The following RFXANK variants were observed in gnomAD, a reference collection of about 807,000 sequenced individuals.
The protein encoded by RFXANK is DNA-binding protein RFXANK.
Under a neutral mutation model 34.5 loss-of-function variants are expected in RFXANK, and 19 were observed. The observed-to-expected ratio is 0.55, with a 90% CI of 0.38 to 0.81. The LOEUF (loss-of-function observed/expected upper bound fraction) is 0.81, where lower values mean the gene tolerates loss of function less well. RFXANK is among the 30% of genes least tolerant of loss of function. RFXANK has a pLI of 0.00. For synonymous variants in RFXANK, 154 were observed against 149.8 expected, an observed-to-expected ratio of 1.03 and a Z score of -0.20; for missense variants, 295 against 343.5, an observed-to-expected ratio of 0.86 and a Z score of 1.12.
intron 9 of RFXANK, among the ~76,000 whole-genome samples, chr19:19,201,049 T>C (rs1256841124): frequency 6.6e-6 from 1 of 152,138 alleles, no homozygotes; most frequent in African/African-American, 2.4e-5. Flanking sequence ...TCCACCCGCC[T>C]CAGCTTCCCA....
rs1269324522 is a variant in RFXANK, at chr19:19,199,231, A to G, written c.709A>G (p.Lys237Glu). Residue 237 changes from lysine to glutamate, a missense_variant, in exon 9 of 10, where the codon AAA (lysine) becomes GAA (glutamate). Lys to Glu is a moderately conservative substitution (Grantham distance 56). Coordinates refer to ENST00000303088, the MANE Select transcript of RFXANK (RefSeq NM_003721.4). ...CCTTGCCGTGGCCCTGGGATACCGG[A>G]AAGGTCAGCCTGAGACACACAGAGC... The part of the protein sequence containing the change: ...MDLAVALGYR[K>E]VQQVIENHIL... The G allele has an allele frequency of 6.2e-7, 1 of 1,614,034 alleles. No individual in the cohort carries two copies. Among genetic ancestry groups the G allele is most frequent in the African/African-American group, 1.3e-5 (1 of 75,038 alleles).
In RFXANK at chr19:19,197,561, C is replaced by G; in HGVS notation, c.378C>G (p.Thr126=). 6.2e-7 allele frequency: 1 copy of G among 1,613,908 alleles called. No individual in the cohort carries two copies. Among genetic ancestry groups the G allele is most frequent in the African/African-American group, 1.3e-5 (1 of 75,042 alleles). ...ACAAGCCAGACGAGCGCGGCTTCAC[C>G]CCCCTCATCTGGGCCTCCGCCTTTG... ...LVNKPDERGF[T]PLIWASAFGE... The change falls in exon 6 of 10, where the codon ACC becomes ACG. Residue 126 remains threonine (T), a synonymous_variant. Transcript: ENST00000303088.
At position 19,197,062 on chromosome 19, in the gene RFXANK, G is replaced by A. The variant is rs774424225; in HGVS notation, c.271+16G>A. Reference sequence around the variant, plus strand: ...ACCCTAGACTGTGAGTGGGCCCACGGTCCCCAACAAGGAGAGGAGTAGGAG... The same window carrying A: ...ACCCTAGACTGTGAGTGGGCCCACGATCCCCAACAAGGAGAGGAGTAGGAG... On this transcript the variant is annotated intron_variant, in intron 4 of 9. Coordinates refer to ENST00000303088, the MANE Select transcript of RFXANK (RefSeq NM_003721.4). 6.2e-7 allele frequency: 1 copy of A among 1,613,418 alleles called. No homozygotes were observed. The highest frequency in any genetic ancestry group is 1.1e-5 in the South Asian group (1 of 91,074).
chr19:19,193,908 G>T, intron 2 of RFXANK, 31 bp from the exon 3 acceptor site: 1 of 1,610,402 alleles, frequency 6.2e-7, no homozygotes, highest in Non-Finnish European at 8.5e-7. Context: ...GATAATTATT[G>T]TCATCTCTCC....
chr19:19,197,118 A>T, intron 4 of RFXANK, 68 bp from the exon 5 acceptor site: 2 of 1,612,090 alleles, frequency 1.2e-6, no homozygotes, highest in Non-Finnish European at 1.7e-6. Flanking sequence ...GCAATCGTGG[A>T]CAGAGGGTAA....
chr19:19,193,383 AC>A (rs1035478148), intron 2 of RFXANK, among the ~76,000 whole-genome samples: 40 of 138,332 alleles, frequency 2.9e-4, no homozygotes, highest in African/African-American at 9.8e-4. Context: ...CAGACAGCTG[AC>A]CCCAGAGCCC....
chr19:19,195,304 G>C (rs567112668), intron 3 of RFXANK, among the ~76,000 whole-genome samples: 1 of 105,448 alleles, frequency 9.5e-6, no homozygotes, highest in Non-Finnish European at 1.8e-5. Flanking sequence ...CCCCACTCTC[G>C]AGACGCCTCC....
chr19:19,197,323 TC>T, intron 5 of RFXANK, 72 bp downstream of exon 5: 1 of 1,481,564 alleles, frequency 6.7e-7, no homozygotes, highest in Non-Finnish European at 9.4e-7. Flanking sequence ...CCATACCCAC[TC>T]ATGACGTGAC....
chr19:19,198,714 G>A lies in RFXANK; in HGVS notation c.622G>A (p.Ala208Thr). The A allele has an allele frequency of 6.2e-7, 1 of 1,614,024 alleles. No individual in the cohort carries two copies. Among genetic ancestry groups the A allele is most frequent in the Non-Finnish European group, 8.5e-7 (1 of 1,180,050 alleles). The change falls in exon 8 of 10, where the codon GCC (alanine) becomes ACC (threonine). Residue 208 changes from alanine to threonine, a missense_variant. Coordinates refer to ENST00000303088, the MANE Select transcript of RFXANK (RefSeq NM_003721.4). ...VRGNHVKCVE[A>T]LLARGADLTT... ...CGGGAACCACGTGAAATGCGTTGAG[G>A]CCTTGCTGGGTGAGTGGGAGTCGGG...
At chr19:19,193,645 A>T (rs2060538874) in intron 2 of RFXANK, among the ~76,000 whole-genome samples, 1 of 151,482 alleles carries the variant, frequency 6.6e-6, no homozygotes, top group Admixed American at 6.6e-5. Flanking sequence ...CGAACTCCTG[A>T]CCTCATGATC....
intron 7 of RFXANK, 107 bp downstream of exon 7, chr19:19,198,339 A>G: frequency 2.7e-6 from 4 of 1,506,890 alleles, no homozygotes; most frequent in Non-Finnish European, 3.6e-6. Flanking sequence ...GGTGCCGAGA[A>G]CACGAGACAG....
At chr19:19,196,097 C>T (rs1268593436) in intron 3 of RFXANK, among the ~76,000 whole-genome samples, 4 of 152,080 alleles carry the variant, frequency 2.6e-5, no homozygotes, top group African/African-American at 9.7e-5. Context: ...TTCTCTATGT[C>T]TGATGCACCT....
chr19:19,197,436 GC>G, intron 5 of RFXANK, 84 bp from the exon 6 acceptor site: 1 of 1,411,384 alleles, frequency 7.1e-7, no homozygotes, highest in Non-Finnish European at 9.9e-7. Context: ...TCTAACCCCA[GC>G]CCCCCACCTC....
intron 9 of RFXANK, 39 bp downstream of exon 9, chr19:19,199,273 C>T (rs2060655952): frequency 6.3e-7 from 1 of 1,597,106 alleles, no homozygotes; most frequent in African/African-American, 1.3e-5. Context: ...GGGGTCCCTT[C>T]CATAGGCAGG....
chr19:19,193,500 C>A (rs1042096934), intron 2 of RFXANK, among the ~76,000 whole-genome samples: 2 of 149,404 alleles, frequency 1.3e-5, no homozygotes, highest in African/African-American at 4.9e-5. Flanking sequence ...CTCACCGCAA[C>A]CTCCACCTCC....
chr19:19,199,494 A>G (rs575935072), intron 9 of RFXANK, among the ~76,000 whole-genome samples: 6 of 152,034 alleles, frequency 3.9e-5, no homozygotes, highest in Non-Finnish European at 8.8e-5. Flanking sequence ...AGGCCGAAAG[A>G]GGGGCCTCTC....
In RFXANK at chr19:19,195,109, A is replaced by G. The variant is rs1209044622; in HGVS notation, c.187+976A>G. On this transcript the variant is annotated intron_variant, in intron 3 of 9. Transcript: ENST00000303088. Reference sequence around the variant, plus strand: ...CTGTCGCCCAGGCTGGAGTGCATGGAGTGCAGTGGCGCAATCTTGGCTCAC... The same window carrying G: ...CTGTCGCCCAGGCTGGAGTGCATGGGGTGCAGTGGCGCAATCTTGGCTCAC... Among the ~76,000 whole-genome samples, 3 of 139,586 alleles carry G rather than the reference A, an allele frequency of 2.1e-5. No homozygotes were observed. The Admixed American group carries it at 2.3e-4, about 11-fold the overall frequency. 91.6% of individuals were successfully genotyped at this position (139,586 alleles called of 152,430 possible).
chr19:19,196,118 C>T (rs918590378), intron 3 of RFXANK, among the ~76,000 whole-genome samples: 19 of 152,238 alleles, frequency 1.2e-4, no homozygotes, highest in African/African-American at 3.4e-4. Flanking sequence ...ACTTGACCCC[C>T]GACTCCCTAG....
In RFXANK at chr19:19,197,045, C is replaced by T. The variant is rs777036248; in HGVS notation, c.270C>T (p.Asp90=). 1.9e-6 allele frequency: 3 copies of T among 1,613,640 alleles called. No individual in the cohort carries two copies. Among genetic ancestry groups the T allele is most frequent in the Non-Finnish European group, 2.5e-6 (3 of 1,180,022 alleles). Residue 90 remains aspartate, a splice_region_variant and synonymous_variant, in exon 4 of 10, where the codon GAC becomes GAT. Transcript: ENST00000303088. ...TGTCAGCTCTGCCGGCCACCCTAGA[C>T]TGTGAGTGGGCCCACGGTCCCCAAC... The part of the protein sequence containing the change: ...NEVSALPATL[D]SLSIHQLAAQ...
Sources: gnomAD v4.1 joint callset for allele counts (sites outside exome capture counted in the v4.1 genomes callset) on GRCh38, gnomAD v4.1.1 for gene constraint, MANE v1.5 for transcripts, NCBI Gene and HGNC (gene_info 2026-07-23, HGNC 2026-07-21) for gene names.